The following GPATCH2 variants were observed in gnomAD, a reference collection of about 807,000 sequenced individuals.
The protein encoded by GPATCH2 is G-patch domain containing 2, also known as G patch domain-containing protein 2.
In GPATCH2, 51 loss-of-function variants were observed where a neutral mutation model predicts 58.0. The observed-to-expected ratio is 0.88, with a 90% CI of 0.70 to 1.11. The LOEUF is 1.11. Ranked by LOEUF, GPATCH2 falls within the 50% of genes most tolerant of loss-of-function variation. The pLI, the probability that GPATCH2 is intolerant of heterozygous loss-of-function variation, is 0.00. For missense variants in GPATCH2, 625 were observed against 652.2 expected, an observed-to-expected ratio of 0.96 and a Z score of 0.45; for synonymous variants, 222 against 218.5, an observed-to-expected ratio of 1.02 and a Z score of -0.14.
At chr1:217,546,132 C>G (rs1450774565) in intron 5 of GPATCH2, among the ~76,000 whole-genome samples, 4 of 151,986 alleles carry the variant, frequency 2.6e-5, no homozygotes, top group African/African-American at 9.7e-5. Flanking sequence ...AACCACTGCT[C>G]AAAGAAATAA....
chr1:217,535,119 C>T (rs2102630988), intron 5 of GPATCH2, among the ~76,000 whole-genome samples: 1 of 152,288 alleles, frequency 6.6e-6, no homozygotes, highest in Admixed American at 6.5e-5. Context: ...GATGTTATAG[C>T]CCCAATCTGC....
chr1:217,616,602 T>C (rs1668897266), intron 2 of GPATCH2, among the ~76,000 whole-genome samples: 1 of 152,152 alleles, frequency 6.6e-6, no homozygotes, highest in Non-Finnish European at 1.5e-5. Context: ...CTAGAGTTGT[T>C]CCGTGTACAT....
At chr1:217,630,635 A>G (rs1053237170) in intron 1 of GPATCH2, among the ~76,000 whole-genome samples, 6 of 152,212 alleles carry the variant, frequency 3.9e-5, no homozygotes, top group African/African-American at 1.4e-4. Context: ...TCAACAATCA[A>G]TGAGGAGATG....
At chr1:217,599,438 A>C (rs531707390) in intron 5 of GPATCH2, among the ~76,000 whole-genome samples, 7 of 152,338 alleles carry the variant, frequency 4.6e-5, no homozygotes, top group Non-Finnish European at 7.3e-5. Context: ...ATGACAGATA[A>C]AGAAATAAGG....
At chr1:217,614,232 CA>C (rs774124665) in intron 2 of GPATCH2, 30 bp from the exon 3 acceptor site, 20 of 1,333,064 alleles carry the variant, frequency 1.5e-5, no homozygotes, top group East Asian at 1.2e-4. Context: ...AGAAACAGAT[CA>C]AAAGAACAAT....
rs187933419 is a variant in GPATCH2, at chr1:217,538,189, G to C, written c.1099-23300C>G. ...GAGATCCAAAAGGCATGATATATTC[G>C]TTCATGCTTTTGTGGCAGTTCTAAT... On this transcript the variant is annotated intron_variant, in intron 5 of 9. Transcript: ENST00000366935. 7.2e-5 allele frequency among the ~76,000 whole-genome samples: 11 copies of C among 152,244 alleles called. No individual in the cohort carries two copies. In the East Asian group the frequency reaches 2.1e-3, roughly 29 times the overall value.
chr1:217,522,915 A>C (rs1663543808), intron 5 of GPATCH2, among the ~76,000 whole-genome samples: 2 of 151,838 alleles, frequency 1.3e-5, no homozygotes, highest in Non-Finnish European at 2.9e-5. Context: ...AACACAAAGA[A>C]GACTGAATTT....
At chr1:217,584,343 AAATATAT>A (rs1254408228) in intron 5 of GPATCH2, among the ~76,000 whole-genome samples, 3 of 105,986 alleles carry the variant, frequency 2.8e-5, no homozygotes, top group African/African-American at 6.4e-5. Flanking sequence ...AAAAAAAAAA[AAATATAT>A]ATATATATAT....
chr1:217,628,156 C>G (rs1431335565), intron 1 of GPATCH2, among the ~76,000 whole-genome samples: 1 of 151,964 alleles, frequency 6.6e-6, no homozygotes, highest in Non-Finnish European at 1.5e-5. Context: ...TGACACATAA[C>G]AGATTTTAAA....
At chr1:217,455,421 T>C (rs994727643) in intron 8 of GPATCH2, among the ~76,000 whole-genome samples, 1 of 152,128 alleles carries the variant, frequency 6.6e-6, no homozygotes, top group Non-Finnish European at 1.5e-5. Context: ...TGATTAACCT[T>C]CCACCACATG....
chr1:217,443,421 G>A (rs560798131), intron 9 of GPATCH2, among the ~76,000 whole-genome samples: 36 of 152,022 alleles, frequency 2.4e-4, no homozygotes, highest in African/African-American at 8.7e-4. Context: ...TCATTCTTAC[G>A]TAGGTTATAT....
rs944146000 is a variant in GPATCH2, at chr1:217,509,212, A to G, written c.1166+5610T>C. ...AAAAAGTGGCTGGGGGTGGTGGTGCACGCCTCTAGTCCCAGCTACTTAGGA... is the reference window on the plus strand; with the variant it reads ...AAAAAGTGGCTGGGGGTGGTGGTGCGCGCCTCTAGTCCCAGCTACTTAGGA... On this transcript the variant is annotated intron_variant, in intron 6 of 9. Transcript: ENST00000366935. Among the ~76,000 whole-genome samples, 6 of 152,126 alleles carry G rather than the reference A, an allele frequency of 3.9e-5. No homozygotes were observed. In the South Asian group the frequency reaches 1.2e-3, roughly 32 times the overall value.
At chr1:217,472,296 CTTTTTT>C (rs11326840) in intron 8 of GPATCH2, among the ~76,000 whole-genome samples, 2 of 90,006 alleles carry the variant, frequency 2.2e-5, no homozygotes, top group African/African-American at 4.6e-5. Context: ...TTTCAACAGA[CTTTTTT>C]TTTTTTTTTT....
At chr1:217,585,841 A>ATATAGCCTATTATAACTAGGCTATATGG (rs1558504815) in intron 5 of GPATCH2, among the ~76,000 whole-genome samples, 5 of 152,146 alleles carry the variant, frequency 3.3e-5, no homozygotes, top group East Asian at 3.9e-4. Flanking sequence ...AACCCAGATG[A>ATATAGCCTATTATAACTAGGCTATATGG]TATAGCCTAT....
chr1:217,445,751 T>A (rs1419663527), intron 9 of GPATCH2, among the ~76,000 whole-genome samples: 1 of 152,144 alleles, frequency 6.6e-6, no homozygotes, highest in Non-Finnish European at 1.5e-5. Flanking sequence ...ATAAATTTGG[T>A]GTTCCTGTCA....
intron 5 of GPATCH2, among the ~76,000 whole-genome samples, chr1:217,543,268 CGTT>C (rs1558471569): frequency 7.6e-6 from 1 of 132,022 alleles, no homozygotes. Flanking sequence ...ATGATGCGAA[CGTT>C]TTTTTTTTTT....
In GPATCH2 at chr1:217,620,492, T is replaced by C. The variant is rs1669132012; in HGVS notation, c.64A>G (p.Ser22Gly). The change falls in exon 2 of 10, where the codon AGT becomes GGT. Residue 22 changes from serine to glycine, a missense_variant. By Grantham distance (56) the Ser-to-Gly change is moderately conservative. Transcript: ENST00000366935. ...TGAACCAGCTCCTCCATGGTTCTAC[T>C]GAAATGCCTTCATTTTTTAGAGAAA... ...APAAGNSWHF[S>G]RTMEELVHDL... is the part of the protein sequence containing the mutation. The C allele has an allele frequency of 1.3e-6, 2 of 1,579,012 alleles. No homozygotes were observed. Among genetic ancestry groups the C allele is most frequent in the African/African-American group, 1.4e-5 (1 of 73,470 alleles).
At chr1:217,473,319 G>A (rs1467983423) in intron 8 of GPATCH2, among the ~76,000 whole-genome samples, 2 of 141,804 alleles carry the variant, frequency 1.4e-5, no homozygotes. Context: ...GTGTGTGTGT[G>A]TTCACTTTAG....
intron 9 of GPATCH2, among the ~76,000 whole-genome samples, chr1:217,445,708 G>A (rs1441631539): frequency 6.6e-6 from 1 of 152,024 alleles, no homozygotes. Context: ...AAATACAAAG[G>A]TGAAAGAGCA....
Sources: allele counts gnomAD v4.1 joint callset (sites outside exome capture counted in the v4.1 genomes callset), GRCh38; gene constraint gnomAD v4.1.1; transcripts MANE v1.5; gene names NCBI Gene and HGNC (gene_info 2026-07-23, HGNC 2026-07-21).